SLC13A5: variants seen among roughly 807,000 people sequenced by gnomAD.
SLC13A5 encodes the protein solute carrier family 13 member 5.
Under a neutral mutation model 56.5 loss-of-function variants are expected in SLC13A5, and 25 were observed. The observed-to-expected ratio is 0.44, with a 90% CI of 0.32 to 0.62. The LOEUF is 0.62. SLC13A5 is among the 20% of genes least tolerant of loss of function. SLC13A5 has a pLI of 0.04. For synonymous variants in SLC13A5, 307 were observed against 301.5 expected (o/e 1.02, Z -0.19); for missense variants, 649 against 737.8 (o/e 0.88, Z 1.39).
chr17:6,704,333 T>C (rs1209245163), intron 3 of SLC13A5: 2 of 582,498 alleles, frequency 3.4e-6, no homozygotes, highest in African/African-American at 3.7e-5. Context: ...AGGCCTCAGA[T>C]CCAGTCGTGG....
intron 1 of SLC13A5, among the ~76,000 whole-genome samples, chr17:6,710,801 G>T (rs1974001853): frequency 6.6e-6 from 1 of 151,618 alleles, no homozygotes; most frequent in African/African-American, 2.4e-5. Flanking sequence ...GGAAGAGAGA[G>T]AGAGATTCAT....
intron 6 of SLC13A5, among the ~76,000 whole-genome samples, chr17:6,700,142 G>C (rs1973670783): frequency 6.6e-6 from 1 of 152,048 alleles, no homozygotes; most frequent in Non-Finnish European, 1.5e-5. Context: ...TTCTATCCTG[G>C]TGTGGCCTGA....
At chr17:6,709,835 G>A (rs1026539239) in intron 1 of SLC13A5, among the ~76,000 whole-genome samples, 6 of 152,098 alleles carry the variant, frequency 3.9e-5, no homozygotes, top group Non-Finnish European at 2.9e-5. Flanking sequence ...CCTCAGCCTC[G>A]GCACACTGAC....
chr17:6,712,876 G>T (rs1278265998), intron 1 of SLC13A5, among the ~76,000 whole-genome samples: 1 of 152,238 alleles, frequency 6.6e-6, no homozygotes, highest in Non-Finnish European at 1.5e-5. Context: ...CATTTTGGGG[G>T]GAAACAGGGT....
chr17:6,685,957 G>A lies in SLC13A5; in HGVS notation c.*250C>T. 1 of 518,486 alleles carries A rather than the reference G, an allele frequency of 1.9e-6. No homozygotes were observed. Among genetic ancestry groups the A allele is most frequent in the African/African-American group, 1.9e-5 (1 of 52,398 alleles). 32.1% of individuals were successfully genotyped at this position (518,486 alleles called of 1,614,324 possible). On this transcript the variant is annotated 3_prime_UTR_variant, in exon 12 of 12. Transcript: ENST00000433363. The surrounding 1 kb of genome is among the most constrained non-coding windows in gnomAD (Gnocchi z 4.2). Reference sequence around the variant, plus strand: ...CCTCCCTCACAGAGATAATGGCAAGGCTTGGGAAAGATGGGTCCAGCAGCC... The same window carrying A: ...CCTCCCTCACAGAGATAATGGCAAGACTTGGGAAAGATGGGTCCAGCAGCC...
chr17:6,707,184 G>T (rs375774709), intron 1 of SLC13A5, 28 bp from the exon 2 acceptor site: 112 of 1,611,352 alleles, frequency 7.0e-5, no homozygotes, highest in Non-Finnish European at 8.0e-5. Context: ...AGGCCTCAGC[G>T]TGTTGCCGCC....
At chr17:6,698,654 A>G (rs1973623368) in intron 6 of SLC13A5, among the ~76,000 whole-genome samples, 1 of 152,106 alleles carries the variant, frequency 6.6e-6, no homozygotes. Context: ...TGACCACATC[A>G]CCTCTCCATG....
chr17:6,692,783 T>C lies in SLC13A5; in HGVS notation c.1275+261A>G, dbSNP rs1320819188. On this transcript the variant is annotated intron_variant, in intron 9 of 11. Coordinates refer to ENST00000433363, the MANE Select transcript of SLC13A5 (RefSeq NM_177550.5). This position sits in a 1 kb window ranked among gnomAD's most constrained non-coding sequence, Gnocchi z 5.5. ...TCAAGCCCCAGAGGGTAACTGACAG[T>C]GTCCTCTGCCTCTCTTGGCTAACCA... is the stretch of plus-strand genomic sequence containing the variant. 8.0e-6 allele frequency: 4 copies of C among 501,866 alleles called. No homozygotes were observed. Among genetic ancestry groups the C allele is most frequent in the Admixed American group, 7.4e-5 (2 of 27,020 alleles). The allele number at this position is 501,866 out of a possible 1,614,324, so 31.1% of individuals were successfully genotyped here.
At chr17:6,698,198 C>T (rs1038512710) in intron 6 of SLC13A5, among the ~76,000 whole-genome samples, 1 of 152,218 alleles carries the variant, frequency 6.6e-6, no homozygotes, top group Non-Finnish European at 1.5e-5. Flanking sequence ...TAGAGTGGCC[C>T]GTCGGGAAGG....
In SLC13A5 at chr17:6,690,808, T is replaced by C. The variant is rs1426277211; in HGVS notation, c.1408A>G (p.Thr470Ala). 6.2e-7 allele frequency: 1 copy of C among 1,614,154 alleles called. No individual in the cohort carries two copies. The highest frequency in any genetic ancestry group is 8.5e-7 in the Non-Finnish European group (1 of 1,180,022). The stretch of plus-strand genomic sequence containing the variant: ...GAGGCAAAGATGGGCAGGAACAAGG[T>C]GGTGGTGGCCACGTTGCTTGTGCAC... ...TECTSNVATTTLFLPIFASMS... is the reference protein window; with the variant it reads ...TECTSNVATTALFLPIFASMS... The change falls in exon 10 of 12, where the codon ACC becomes GCC. Residue 470 changes from threonine (T) to alanine (A), a missense_variant. Thr to Ala is a moderately conservative substitution (Grantham distance 58). Coordinates refer to ENST00000433363, the MANE Select transcript of SLC13A5 (RefSeq NM_177550.5).
rs1223207589 is a variant in SLC13A5, at chr17:6,685,776, G to A, written c.*431C>T. 4.8e-5 allele frequency: 8 copies of A among 166,998 alleles called. No homozygotes were observed. Among genetic ancestry groups the A allele is most frequent in the South Asian group, 3.3e-4 (2 of 6,092 alleles). The allele number at this position is 166,998 out of a possible 1,614,324, so 10.3% of individuals were successfully genotyped here. On this transcript the variant is annotated 3_prime_UTR_variant, in exon 12 of 12. Transcript: ENST00000433363. The surrounding 1 kb of genome is among the most constrained non-coding windows in gnomAD (Gnocchi z 4.2). Reference sequence around the variant, plus strand: ...GCTCAAGGTGAGCTGGAAGGGACATGGGCACTGGTAGGTGGTTGTCTTAGC... The same window carrying A: ...GCTCAAGGTGAGCTGGAAGGGACATAGGCACTGGTAGGTGGTTGTCTTAGC...
chr17:6,712,782 G>C (rs997141659), intron 1 of SLC13A5, among the ~76,000 whole-genome samples: 2 of 152,236 alleles, frequency 1.3e-5, no homozygotes, highest in Non-Finnish European at 2.9e-5. Flanking sequence ...GCCACCTACA[G>C]CTTGAAGTCT....
Position 6,693,059 on chromosome 17 carries a change from C to T in SLC13A5, c.1260G>A (p.Leu420=). The change falls in exon 9 of 12, where the codon CTG becomes CTA. Residue 420 remains leucine, a synonymous_variant. Coordinates refer to ENST00000433363, the MANE Select transcript of SLC13A5 (RefSeq NM_177550.5). The part of the protein sequence containing the change: ...IVLLLGGGFA[L]AKGSEASGLS... Reference sequence around the variant, plus strand: ...GAGAAGTTACCTCGGATCCTTTAGCCAGAGCAAATCCGCCCCCTAGTAGCA... The same window carrying T: ...GAGAAGTTACCTCGGATCCTTTAGCTAGAGCAAATCCGCCCCCTAGTAGCA... 1 of 1,614,062 alleles carries T rather than the reference C, an allele frequency of 6.2e-7. No homozygotes were observed. Among genetic ancestry groups the T allele is most frequent in the Non-Finnish European group, 8.5e-7 (1 of 1,179,988 alleles).
intron 1 of SLC13A5, among the ~76,000 whole-genome samples, chr17:6,710,228 G>A (rs548962053): frequency 1.4e-4 from 21 of 152,352 alleles, no homozygotes; most frequent in African/African-American, 5.1e-4. Flanking sequence ...CAATGAGAGG[G>A]CGCATTGGAG....
chr17:6,712,169 G>T (rs1442459487), intron 1 of SLC13A5, among the ~76,000 whole-genome samples: 1 of 152,208 alleles, frequency 6.6e-6, no homozygotes, highest in African/African-American at 2.4e-5. Flanking sequence ...TTCTCTTGCA[G>T]GTTGGCTTCC....
At position 6,692,989 on chromosome 17, in the gene SLC13A5, G is replaced by A. The variant is rs141500168; in HGVS notation, c.1275+55C>T. On this transcript the variant is annotated intron_variant, in intron 9 of 11. Coordinates refer to ENST00000433363, the MANE Select transcript of SLC13A5 (RefSeq NM_177550.5). This position sits in a 1 kb window ranked among gnomAD's most constrained non-coding sequence, Gnocchi z 5.5. ...CCCAGGGATGGAAGGGTGGAGAAAC[G>A]CCACCCTCTTGACGAAGAAGAGGGC... 3.4e-4 allele frequency: 463 copies of A among 1,350,934 alleles called. 2 individuals are homozygous for A. In the African/African-American group the frequency reaches 5.1e-3, roughly 15 times the overall value. 83.7% of individuals were successfully genotyped at this position (1,350,934 alleles called of 1,614,324 possible).
At position 6,695,850 on chromosome 17, in the gene SLC13A5, G is replaced by T. The variant is rs201678684; in HGVS notation, c.931C>A (p.Pro311Thr). 2 of 1,614,024 alleles carry T rather than the reference G, an allele frequency of 1.2e-6. No homozygotes were observed. Among genetic ancestry groups the T allele is most frequent in the African/African-American group, 1.3e-5 (1 of 74,916 alleles). Reference sequence around the variant, plus strand: ...ACGTTGATCTCCGCGAAGGACAAGGGCCCCAGCTTCCGGTACTCCTCCTGC... The same window carrying T: ...ACGTTGATCTCCGCGAAGGACAAGGTCCCCAGCTTCCGGTACTCCTCCTGC... ...VLQEEYRKLGPLSFAEINVLI... is the reference protein window; with the variant it reads ...VLQEEYRKLGTLSFAEINVLI... The change falls in exon 7 of 12, where the codon CCC becomes ACC. Residue 311 changes from proline to threonine, a missense_variant. Physicochemically the swap from Pro to Thr is conservative, Grantham distance 38. Coordinates refer to ENST00000433363, the MANE Select transcript of SLC13A5 (RefSeq NM_177550.5).
chr17:6,694,938 C>T (rs543511810), intron 7 of SLC13A5, among the ~76,000 whole-genome samples: 25 of 152,344 alleles, frequency 1.6e-4, no homozygotes, highest in Non-Finnish European at 1.8e-4. Context: ...ATTCTGACAA[C>T]GTCTTAGCCA....
chr17:6,705,590 G>T (rs1466949133), intron 3 of SLC13A5: 1 of 152,174 alleles, frequency 6.6e-6, no homozygotes, highest in African/African-American at 2.4e-5. Flanking sequence ...GCCAGGATGT[G>T]TAACAGATCA....
Sources: allele counts gnomAD v4.1 joint callset (sites outside exome capture counted in the v4.1 genomes callset), GRCh38; gene constraint gnomAD v4.1.1; non-coding constraint Gnocchi (gnomAD v3.1); transcripts MANE v1.5; gene names NCBI Gene and HGNC (gene_info 2026-07-23, HGNC 2026-07-21).